ATF7IP2: variants seen among roughly 807,000 people sequenced by gnomAD.
ATF7IP2 encodes activating transcription factor 7 interacting protein 2, also known as activating transcription factor 7-interacting protein 2.
A neutral mutation model predicts 64.2 loss-of-function variants in ATF7IP2; 42 were observed. The observed-to-expected ratio is 0.65, with a 90% CI of 0.51 to 0.85. The LOEUF (loss-of-function observed/expected upper bound fraction) is 0.85, where lower values mean the gene tolerates loss of function less well. Among genes scored for constraint, ATF7IP2 ranks in the 40% least tolerant of loss-of-function variants. ATF7IP2 has a pLI of 0.00. For synonymous variants in ATF7IP2, 308 were observed against 272.8 expected, an observed-to-expected ratio of 1.13 and a Z score of -1.27; for missense variants, 933 against 784.2, an observed-to-expected ratio of 1.19 and a Z score of -2.27.
At chr16:10,453,966 T>G (rs1337037277) in intron 8 of ATF7IP2, 5 of 152,006 alleles carry the variant, frequency 3.3e-5, no homozygotes, top group Non-Finnish European at 5.9e-5. Context: ...AAGAAGGCTT[T>G]TACTTGAAAA....
Position 10,457,530 on chromosome 16 carries a change from G to C in ATF7IP2, c.1352+1G>C. 1 of 1,546,720 alleles carries C rather than the reference G, an allele frequency of 6.5e-7. No individual in the cohort carries two copies. Among genetic ancestry groups the C allele is most frequent in the South Asian group, 1.3e-5 (1 of 78,022 alleles). On this transcript the variant is annotated splice_donor_variant, in intron 9 of 13. Coordinates refer to ENST00000562102, the MANE Select transcript of ATF7IP2 (RefSeq NM_001393719.1). LOFTEE classifies it high-confidence loss of function. The stretch of plus-strand genomic sequence containing the variant: ...ATCAAAATAAGTCTGTTTCTGAAAG[G>C]TAGGTGTTTCTGCAAAAATGCATAA...
At chr16:10,476,674 C>A (rs190932206) in intron 12 of ATF7IP2, among the ~76,000 whole-genome samples, 1 of 152,270 alleles carries the variant, frequency 6.6e-6, no homozygotes, top group Non-Finnish European at 1.5e-5. Context: ...CCTCCCCCAA[C>A]AGGCCTAGTG....
At chr16:10,462,353 A>G (rs934772268) in intron 9 of ATF7IP2, among the ~76,000 whole-genome samples, 1 of 151,972 alleles carries the variant, frequency 6.6e-6, no homozygotes, top group Non-Finnish European at 1.5e-5. Context: ...TTTTTCCACA[A>G]GAAGATCTCC....
At chr16:10,439,877 G>A (rs1325371868) in intron 7 of ATF7IP2, among the ~76,000 whole-genome samples, 1 of 151,254 alleles carries the variant, frequency 6.6e-6, no homozygotes, top group African/African-American at 2.4e-5. Context: ...TATTATACAA[G>A]CATAGGCTGG....
At chr16:10,440,537 A>G in intron 8 of ATF7IP2, 75 bp downstream of exon 8, 3 of 853,900 alleles carry the variant, frequency 3.5e-6, no homozygotes, top group Non-Finnish European at 3.6e-6. Context: ...AAATGAATAT[A>G]TTTCCAGGCT....
At chr16:10,405,715 C>G (rs1342880419) in intron 1 of ATF7IP2, among the ~76,000 whole-genome samples, 2 of 152,210 alleles carry the variant, frequency 1.3e-5, no homozygotes, top group African/African-American at 4.8e-5. Context: ...CCCTCCTGCC[C>G]AGACCTACAA....
At chr16:10,394,821 C>T (rs2047392511) in intron 1 of ATF7IP2, among the ~76,000 whole-genome samples, 1 of 152,002 alleles carries the variant, frequency 6.6e-6, no homozygotes, top group Non-Finnish European at 1.5e-5. Flanking sequence ...TGAAGACAAA[C>T]ATATCAAAGG....
chr16:10,474,885 T>C (rs974184731), intron 12 of ATF7IP2, among the ~76,000 whole-genome samples: 1 of 152,158 alleles, frequency 6.6e-6, no homozygotes, highest in African/African-American at 2.4e-5. Context: ...AAAATAACTG[T>C]CAACCTGTAA....
At chr16:10,440,956 G>C (rs1167280737) in intron 8 of ATF7IP2, among the ~76,000 whole-genome samples, 1 of 152,080 alleles carries the variant, frequency 6.6e-6, no homozygotes, top group African/African-American at 2.4e-5. Context: ...GTGTGTCCAT[G>C]TGTTCTCATT....
At chr16:10,459,501 G>C (rs1010026905) in intron 9 of ATF7IP2, among the ~76,000 whole-genome samples, 1 of 150,748 alleles carries the variant, frequency 6.6e-6, no homozygotes, top group Non-Finnish European at 1.5e-5. Context: ...TACAAAATTA[G>C]CTGGGCATGG....
At position 10,464,267 on chromosome 16, in the gene ATF7IP2, A is replaced by G. The variant is rs2049479103; in HGVS notation, c.1352+6738A>G. Reference sequence around the variant, plus strand: ...TATCTATTTTTAAATGTTTAAAAACATTTAAGAAATAAAGGAACCCTTACA... The same window carrying G: ...TATCTATTTTTAAATGTTTAAAAACGTTTAAGAAATAAAGGAACCCTTACA... On this transcript the variant is annotated intron_variant, in intron 9 of 13. Transcript: ENST00000562102. Among the ~76,000 whole-genome samples, 4 of 152,270 alleles carry G rather than the reference A, an allele frequency of 2.6e-5. No homozygotes were observed. The South Asian group carries it at 8.3e-4, about 32-fold the overall frequency.
chr16:10,459,617 A>G (rs888364820), intron 9 of ATF7IP2, among the ~76,000 whole-genome samples: 1 of 152,192 alleles, frequency 6.6e-6, no homozygotes, highest in Admixed American at 6.5e-5. Flanking sequence ...ACTGTACTCC[A>G]GCCTGGGTGA....
At chr16:10,447,446 A>T (rs1020096924) in intron 8 of ATF7IP2, 1 of 152,118 alleles carries the variant, frequency 6.6e-6, no homozygotes, top group Non-Finnish European at 1.5e-5. Flanking sequence ...AATTGTTAGA[A>T]ATGAGCTGGG....
intron 1 of ATF7IP2, among the ~76,000 whole-genome samples, chr16:10,404,661 G>A (rs1483368949): frequency 6.6e-6 from 1 of 152,100 alleles, no homozygotes; most frequent in Non-Finnish European, 1.5e-5. Flanking sequence ...TCATGCCACT[G>A]CCTCCAGCTG....
At chr16:10,437,986 CTATATT>C in intron 6 of ATF7IP2, 109 bp from the exon 7 acceptor site, 1 of 709,820 alleles carries the variant, frequency 1.4e-6, no homozygotes, top group Non-Finnish European at 2.1e-6. Flanking sequence ...TATAAATAAA[CTATATT>C]TAATTGGTTA....
chr16:10,454,099 T>G (rs2049084992), intron 8 of ATF7IP2: 2 of 151,894 alleles, frequency 1.3e-5, no homozygotes, highest in Non-Finnish European at 2.9e-5. Context: ...TTCACTGTCA[T>G]AAAGTTATCA....
At chr16:10,388,090 C>T (rs976328428) in intron 1 of ATF7IP2, among the ~76,000 whole-genome samples, 7 of 151,956 alleles carry the variant, frequency 4.6e-5, no homozygotes. Context: ...GGGGTTTCAC[C>T]GTGTTGGCCA....
chr16:10,401,147 C>A (rs987401485), intron 1 of ATF7IP2, among the ~76,000 whole-genome samples: 1 of 152,040 alleles, frequency 6.6e-6, no homozygotes, highest in African/African-American at 2.4e-5. Flanking sequence ...ATAAAACCCG[C>A]TTGATTATGG....
chr16:10,393,162 T>C (rs2047359795), intron 1 of ATF7IP2, among the ~76,000 whole-genome samples: 1 of 151,678 alleles, frequency 6.6e-6, no homozygotes, highest in Admixed American at 6.6e-5. Context: ...ATACAAGCAT[T>C]AGCTGGGCAT....
Sources: allele counts gnomAD v4.1 joint callset (sites outside exome capture counted in the v4.1 genomes callset), GRCh38; gene constraint gnomAD v4.1.1; transcripts MANE v1.5; gene names NCBI Gene and HGNC (gene_info 2026-07-23, HGNC 2026-07-21).